The following TSC22D1 variants were observed in gnomAD, a reference collection of about 807,000 sequenced individuals.
TSC22D1 encodes TSC22 domain family member 1.
Under a neutral mutation model 74.2 loss-of-function variants are expected in TSC22D1, and 9 were observed. The observed-to-expected ratio is 0.12, with a 90% CI of 0.07 to 0.21. TSC22D1 has a LOEUF of 0.21. Among genes scored for constraint, TSC22D1 ranks in the 10% least tolerant of loss-of-function variants. The probability of loss-of-function intolerance (pLI) is 1.00; values close to 1 mark genes in which losing one functional copy is unlikely to be tolerated. For synonymous variants in TSC22D1, 586 were observed against 492.5 expected (o/e 1.19, Z -2.51); for missense variants, 1,427 against 1,304.7 (o/e 1.09, Z -1.44).
chr13:44,522,465 C>A (rs117998292), intron 1 of TSC22D1, among the ~76,000 whole-genome samples: 783 of 152,164 alleles, frequency 5.1e-3, no homozygotes, highest in Non-Finnish European at 6.6e-3. Context: ...AGGACTACTG[C>A]AATAATTAGG....
At chr13:44,563,939 T>C (rs1383599205) in intron 1 of TSC22D1, among the ~76,000 whole-genome samples, 1 of 152,234 alleles carries the variant, frequency 6.6e-6, no homozygotes, top group Non-Finnish European at 1.5e-5. Flanking sequence ...GCCAAATAAC[T>C]GCCACATGCA....
chr13:44,434,093 G>A lies in TSC22D1; in HGVS notation c.*533C>T, dbSNP rs541835050. The A allele has an allele frequency of 7.9e-6, 12 of 1,509,576 alleles. No homozygotes were observed. In the East Asian group the frequency reaches 2.0e-4, roughly 25 times the overall value. 93.5% of individuals were successfully genotyped at this position (1,509,576 alleles called of 1,614,324 possible). A position where few individuals can be genotyped will look rare whatever the true frequency, so the allele number is the denominator to read the frequency against. ...CATTGTTTGAGAAGAAAGAGGCACA[G>A]TACTATTGTTTTTTATGAATTTTGG... On this transcript the variant is annotated 3_prime_UTR_variant, in exon 3 of 3. Transcript: ENST00000458659.
intron 1 of TSC22D1, among the ~76,000 whole-genome samples, chr13:44,490,230 T>A (rs1878635423): frequency 6.6e-6 from 1 of 152,090 alleles, no homozygotes; most frequent in African/African-American, 2.4e-5. Context: ...CAAAAGAATA[T>A]ATAGTATATA....
chr13:44,537,348 G>C, intron 1 of TSC22D1: 7 of 985,054 alleles, frequency 7.1e-6, no homozygotes, highest in Non-Finnish European at 7.2e-6. Flanking sequence ...ATAGCTTGTA[G>C]TGGCATGAGG....
At chr13:44,546,494 C>CA (rs1408487375) in intron 1 of TSC22D1, among the ~76,000 whole-genome samples, 2 of 151,942 alleles carry the variant, frequency 1.3e-5, no homozygotes, top group East Asian at 1.9e-4. Flanking sequence ...TCAAAAGTGT[C>CA]AAAGTCATGA....
At chr13:44,544,166 T>G (rs936785969) in intron 1 of TSC22D1, among the ~76,000 whole-genome samples, 1 of 152,180 alleles carries the variant, frequency 6.6e-6, no homozygotes, top group African/African-American at 2.4e-5. Flanking sequence ...AAGGATTAAT[T>G]TTTTAGTATA....
chr13:44,571,451 G>A (rs978868390), intron 1 of TSC22D1, among the ~76,000 whole-genome samples: 9 of 152,156 alleles, frequency 5.9e-5, no homozygotes, highest in Non-Finnish European at 1.2e-4. Context: ...CCAATAGGAG[G>A]AAAAAGAGGT....
At chr13:44,515,255 T>C (rs910013039) in intron 1 of TSC22D1, among the ~76,000 whole-genome samples, 15 of 152,196 alleles carry the variant, frequency 9.9e-5, no homozygotes, top group African/African-American at 3.1e-4. Flanking sequence ...TGATTAGAGA[T>C]TGGTTAAGTA....
chr13:44,549,425 C>T (rs1273222039), intron 1 of TSC22D1, among the ~76,000 whole-genome samples: 1 of 152,058 alleles, frequency 6.6e-6, no homozygotes, highest in Non-Finnish European at 1.5e-5. Context: ...GTAGCTTCCA[C>T]CAATCTCAGA....
At chr13:44,493,779 TTTG>T (rs1878829332) in intron 1 of TSC22D1, among the ~76,000 whole-genome samples, 2 of 152,136 alleles carry the variant, frequency 1.3e-5, no homozygotes. Context: ...AAGAATACAT[TTTG>T]TTGTTTATTT....
chr13:44,506,465 C>T (rs1327847760), intron 1 of TSC22D1, among the ~76,000 whole-genome samples: 1 of 152,056 alleles, frequency 6.6e-6, no homozygotes, highest in Non-Finnish European at 1.5e-5. Flanking sequence ...GGTTATAACA[C>T]ACACTGGGAC....
intron 1 of TSC22D1, chr13:44,436,470 T>C: frequency 6.2e-7 from 1 of 1,607,766 alleles, no homozygotes; most frequent in Non-Finnish European, 8.5e-7. Flanking sequence ...ATCCCACGAA[T>C]AAATTTAAAG....
intron 1 of TSC22D1, among the ~76,000 whole-genome samples, chr13:44,524,234 T>A (rs571274387): frequency 1.8e-4 from 28 of 152,078 alleles, no homozygotes; most frequent in African/African-American, 6.7e-4. Context: ...CTTCCAGTTT[T>A]GAGTTCAACT....
chr13:44,482,164 G>A (rs913678622), intron 1 of TSC22D1, among the ~76,000 whole-genome samples: 12 of 152,180 alleles, frequency 7.9e-5, no homozygotes, highest in African/African-American at 2.9e-4. Flanking sequence ...AGTCTACTAA[G>A]TGCCAAGAAT....
chr13:44,516,395 A>C (rs1465165003), intron 1 of TSC22D1: 6 of 420,368 alleles, frequency 1.4e-5, no homozygotes, highest in Non-Finnish European at 2.7e-5. Context: ...TCTCTTAATA[A>C]ATAAAAGTTC....
intron 1 of TSC22D1, among the ~76,000 whole-genome samples, chr13:44,492,364 G>A (rs1243903655): frequency 2.0e-5 from 3 of 152,158 alleles, no homozygotes; most frequent in Non-Finnish European, 4.4e-5. Context: ...CAGAATGGCT[G>A]TACAGTTTTT....
chr13:44,453,717 A>T (rs1876342240), intron 1 of TSC22D1, among the ~76,000 whole-genome samples: 2 of 152,172 alleles, frequency 1.3e-5, no homozygotes, highest in South Asian at 4.1e-4. Flanking sequence ...TTTAGTAAAA[A>T]ACTGACACCT....
intron 1 of TSC22D1, among the ~76,000 whole-genome samples, chr13:44,447,146 C>CTTT (rs59178966): frequency 1.4e-5 from 2 of 143,108 alleles, no homozygotes; most frequent in Non-Finnish European, 3.1e-5. Context: ...GATACCTATA[C>CTTT]TTTTTTTTTT....
At chr13:44,464,327 G>A (rs906060735) in intron 1 of TSC22D1, among the ~76,000 whole-genome samples, 2 of 152,096 alleles carry the variant, frequency 1.3e-5, no homozygotes, top group Non-Finnish European at 2.9e-5. Context: ...AAAGCGTAAT[G>A]TTCATATTAC....
Sources: gnomAD v4.1 joint callset for allele counts (sites outside exome capture counted in the v4.1 genomes callset) on GRCh38, gnomAD v4.1.1 for gene constraint, MANE v1.5 for transcripts, NCBI Gene and HGNC (gene_info 2026-07-23, HGNC 2026-07-21) for gene names.